EPHA6: variants seen among roughly 807,000 people sequenced by gnomAD.
EPHA6 encodes the protein EPH receptor A6.
A neutral mutation model predicts 112.0 loss-of-function variants in EPHA6; 50 were observed. The ratio of observed to expected loss-of-function variants is 0.45; its 90% confidence interval spans 0.36 to 0.56. The LOEUF is 0.56. Ranked by LOEUF, EPHA6 falls within the 20% of genes least tolerant of loss-of-function variation. The pLI is 0.00. For missense variants in EPHA6, 1,280 were observed against 1,417.4 expected (o/e 0.90, Z 1.56); for synonymous variants, 529 against 490.7 (o/e 1.08, Z -1.03).
intron 3 of EPHA6, among the ~76,000 whole-genome samples, chr3:97,186,900 A>T (rs534307354): frequency 4.6e-4 from 70 of 152,210 alleles, no homozygotes; most frequent in Admixed American, 1.3e-3. Flanking sequence ...AATTTACCAA[A>T]TGTTTCAACA....
intron 5 of EPHA6, among the ~76,000 whole-genome samples, chr3:97,256,350 C>T (rs539749256): frequency 2.0e-5 from 3 of 152,024 alleles, no homozygotes; most frequent in South Asian, 4.2e-4. Flanking sequence ...TAAGAAACAC[C>T]ACAGGCAGAG....
At chr3:97,563,272 T>C (rs1377898996) in intron 11 of EPHA6, among the ~76,000 whole-genome samples, 1 of 152,160 alleles carries the variant, frequency 6.6e-6, no homozygotes, top group African/African-American at 2.4e-5. Context: ...GAGAATTTGA[T>C]GTTGGAGGGA....
chr3:97,366,865 C>A (rs569387464), intron 5 of EPHA6, among the ~76,000 whole-genome samples: 2 of 152,280 alleles, frequency 1.3e-5, no homozygotes, highest in Admixed American at 1.3e-4. Flanking sequence ...CATTGAACTT[C>A]TTTTCTGTTC....
At chr3:97,420,225 T>C (rs1182854763) in intron 6 of EPHA6, among the ~76,000 whole-genome samples, 1 of 152,012 alleles carries the variant, frequency 6.6e-6, no homozygotes, top group Non-Finnish European at 1.5e-5. Context: ...GTTATAATAA[T>C]GTCACTCGTT....
intron 10 of EPHA6, among the ~76,000 whole-genome samples, chr3:97,486,555 G>A (rs908450325): frequency 4.6e-5 from 7 of 152,120 alleles, no homozygotes; most frequent in Non-Finnish European, 1.0e-4. Flanking sequence ...ATCATAACAT[G>A]GTGGAAGGCA....
intron 10 of EPHA6, among the ~76,000 whole-genome samples, chr3:97,490,601 A>G (rs181720746): frequency 6.6e-6 from 1 of 152,192 alleles, no homozygotes; most frequent in Non-Finnish European, 1.5e-5. Context: ...TGTTAGCAAG[A>G]CTGGGTACAT....
intron 5 of EPHA6, among the ~76,000 whole-genome samples, chr3:97,283,359 A>G (rs552553674): frequency 7.0e-4 from 106 of 152,268 alleles, no homozygotes; most frequent in African/African-American, 2.5e-3. Context: ...AAATTATGAG[A>G]TTCATTGAAT....
intron 14 of EPHA6, among the ~76,000 whole-genome samples, chr3:97,706,317 A>G (rs891230995): frequency 2.0e-5 from 3 of 152,210 alleles, no homozygotes; most frequent in Non-Finnish European, 2.9e-5. Context: ...AAGCCACAAC[A>G]AACAAAGGAC....
At chr3:96,962,841 A>G (rs941847946) in intron 2 of EPHA6, among the ~76,000 whole-genome samples, 2 of 152,002 alleles carry the variant, frequency 1.3e-5, no homozygotes, top group African/African-American at 4.8e-5. Context: ...TTAGCTGAGT[A>G]AGAGAAAAAC....
At chr3:97,329,664 G>C (rs1019675035) in intron 5 of EPHA6, among the ~76,000 whole-genome samples, 1 of 152,056 alleles carries the variant, frequency 6.6e-6, no homozygotes, top group Non-Finnish European at 1.5e-5. Flanking sequence ...TGATGGGGTT[G>C]TTTGTTTTTT....
At chr3:97,271,727 A>C (rs964068043) in intron 5 of EPHA6, among the ~76,000 whole-genome samples, 1 of 152,232 alleles carries the variant, frequency 6.6e-6, no homozygotes, top group East Asian at 1.9e-4. Context: ...TTAAGTTTTT[A>C]TACAATTTAA....
intron 11 of EPHA6, among the ~76,000 whole-genome samples, chr3:97,580,607 A>G (rs1396571438): frequency 6.6e-6 from 1 of 152,296 alleles, no homozygotes; most frequent in South Asian, 2.1e-4. Context: ...AAATGGTGGC[A>G]CAGCAAGGGG....
At chr3:97,348,876 C>T (rs148760920) in intron 5 of EPHA6, among the ~76,000 whole-genome samples, 40 of 151,890 alleles carry the variant, frequency 2.6e-4, no homozygotes, top group African/African-American at 8.2e-4. Context: ...GTGAGGGAGT[C>T]GACATGACGG....
intron 1 of EPHA6, among the ~76,000 whole-genome samples, chr3:96,854,148 T>C (rs114051161): frequency 0.018 from 2,751 of 150,570 alleles, 72 homozygotes; most frequent in African/African-American, 0.051. Flanking sequence ...AAAAAAGATA[T>C]ATAGAATACT....
At chr3:97,070,510 G>A (rs1457799192) in intron 3 of EPHA6, among the ~76,000 whole-genome samples, 2 of 151,988 alleles carry the variant, frequency 1.3e-5, no homozygotes, top group Non-Finnish European at 2.9e-5. Flanking sequence ...TGATATACTG[G>A]TTTGTCCACA....
intron 7 of EPHA6, among the ~76,000 whole-genome samples, chr3:97,470,755 A>G (rs920479188): frequency 6.6e-6 from 1 of 151,600 alleles, no homozygotes; most frequent in Non-Finnish European, 1.5e-5. Context: ...CAATTTTGCA[A>G]TTCTTTTTGG....
At chr3:97,169,394 T>C (rs932422376) in intron 3 of EPHA6, among the ~76,000 whole-genome samples, 5 of 152,188 alleles carry the variant, frequency 3.3e-5, no homozygotes, top group African/African-American at 7.2e-5. Flanking sequence ...TTCAGTGCAA[T>C]GGATAGTAGA....
chr3:97,226,567 C>A, intron 4 of EPHA6, 148 bp downstream of exon 4: 2 of 732,392 alleles, frequency 2.7e-6, no homozygotes, highest in Non-Finnish European at 4.4e-6. Context: ...GCTTCTCTCT[C>A]TTCTCAGCAT....
At chr3:97,380,271 GA>G (rs930062252) in intron 5 of EPHA6, among the ~76,000 whole-genome samples, 47 of 152,020 alleles carry the variant, frequency 3.1e-4, no homozygotes, top group African/African-American at 1.1e-3. Flanking sequence ...TTTTGTGATA[GA>G]AAAAAAGTTA....
Sources: gnomAD v4.1 joint callset for allele counts (sites outside exome capture counted in the v4.1 genomes callset) on GRCh38, gnomAD v4.1.1 for gene constraint, MANE v1.5 for transcripts, NCBI Gene and HGNC (gene_info 2026-07-23, HGNC 2026-07-21) for gene names.